The following MACROD2 variants were observed in gnomAD, a reference collection of about 807,000 sequenced individuals.
MACROD2 encodes the protein mono-ADP ribosylhydrolase 2.
Under a neutral mutation model 70.4 loss-of-function variants are expected in MACROD2, and 36 were observed. The observed-to-expected ratio is 0.51, with a 90% CI of 0.39 to 0.68. MACROD2 has a LOEUF of 0.68. Ranked by LOEUF, MACROD2 falls within the 30% of genes least tolerant of loss-of-function variation. MACROD2 has a pLI of 0.00. For missense variants in MACROD2, 496 were observed against 538.4 expected, an observed-to-expected ratio of 0.92 and a Z score of 0.78; for synonymous variants, 172 against 178.8, an observed-to-expected ratio of 0.96 and a Z score of 0.30.
chr20:14,850,952 A>AT (rs1223936452), intron 5 of MACROD2, among the ~76,000 whole-genome samples: 6 of 150,380 alleles, frequency 4.0e-5, no homozygotes, highest in African/African-American at 4.9e-5. Flanking sequence ...GCAACTTCTA[A>AT]TTTTTTTTTT....
chr20:14,469,971 C>A (rs374991563), intron 3 of MACROD2, among the ~76,000 whole-genome samples: 1 of 152,008 alleles, frequency 6.6e-6, no homozygotes, highest in African/African-American at 2.4e-5. Context: ...TGTTCCCTTG[C>A]TGGTGAGGAG....
intron 4 of MACROD2, among the ~76,000 whole-genome samples, chr20:14,644,619 G>A (rs1250039617): frequency 6.6e-6 from 1 of 152,054 alleles, no homozygotes; most frequent in Non-Finnish European, 1.5e-5. Flanking sequence ...CATTTTACTT[G>A]TTTATCGAAT....
chr20:16,035,553 T>G (rs2067223214), intron 15 of MACROD2, among the ~76,000 whole-genome samples: 1 of 152,038 alleles, frequency 6.6e-6, no homozygotes, highest in Non-Finnish European at 1.5e-5. Context: ...TAGCCACAAA[T>G]GAAGCTCAAG....
rs537990509 is a variant in MACROD2, at chr20:14,844,688, G to A, written c.418+159729G>A. Among the ~76,000 whole-genome samples the A allele has an allele frequency of 3.3e-5, 5 of 152,128 alleles. No homozygotes were observed. In the South Asian group the frequency reaches 8.3e-4, roughly 25 times the overall value. ...GGTACTTCTTTCTCTCAAAAAGAAA[G>A]GCATAAACATAGTGTCCTAGGCAAA... On this transcript the variant is annotated intron_variant, in intron 5 of 17. Coordinates refer to ENST00000684519, the MANE Select transcript of MACROD2 (RefSeq NM_001351661.2).
chr20:14,282,367 A>C (rs1342349635), intron 3 of MACROD2, among the ~76,000 whole-genome samples: 1 of 152,212 alleles, frequency 6.6e-6, no homozygotes, highest in Non-Finnish European at 1.5e-5. Context: ...AGACTGGGCT[A>C]GGAAGTTGAA....
chr20:14,000,720 T>C (rs1483139595), intron 1 of MACROD2, among the ~76,000 whole-genome samples: 3 of 152,224 alleles, frequency 2.0e-5, no homozygotes, highest in Non-Finnish European at 4.4e-5. Context: ...GAAAAACGAA[T>C]GTAAATAGAA....
chr20:14,566,948 T>C (rs1261512792), intron 4 of MACROD2: 1 of 151,998 alleles, frequency 6.6e-6, no homozygotes, highest in East Asian at 1.9e-4. Context: ...GACTCAGCGA[T>C]TCTAATTTTT....
chr20:15,943,720 G>T (rs2065782059), intron 12 of MACROD2, among the ~76,000 whole-genome samples: 1 of 151,972 alleles, frequency 6.6e-6, no homozygotes, highest in Non-Finnish European at 1.5e-5. Flanking sequence ...ATAAGAAAAT[G>T]ATTTTATTAT....
At chr20:15,275,606 T>C (rs1328654232) in intron 6 of MACROD2, among the ~76,000 whole-genome samples, 1 of 152,214 alleles carries the variant, frequency 6.6e-6, no homozygotes, top group African/African-American at 2.4e-5. Flanking sequence ...AAGCGGATCA[T>C]TTCATTCAAG....
Position 15,350,768 on chromosome 20 carries a change from G to A in MACROD2, c.541-80637G>A, listed in dbSNP as rs552281753. On this transcript the variant is annotated intron_variant, in intron 6 of 17. Coordinates refer to ENST00000684519, the MANE Select transcript of MACROD2 (RefSeq NM_001351661.2). Reference sequence around the variant, plus strand: ...GAATTTCTAAATAGTTTTCATTGAAGCAACTTAGACTTATTACTGATTCTT... The same window carrying A: ...GAATTTCTAAATAGTTTTCATTGAAACAACTTAGACTTATTACTGATTCTT... 1.7e-4 allele frequency among the ~76,000 whole-genome samples: 26 copies of A among 152,208 alleles called. No homozygotes were observed. The South Asian group carries it at 3.9e-3, about 23-fold the overall frequency.
intron 3 of MACROD2, among the ~76,000 whole-genome samples, chr20:14,349,998 C>T (rs2083106958): frequency 6.6e-6 from 1 of 151,928 alleles, no homozygotes; most frequent in Non-Finnish European, 1.5e-5. Flanking sequence ...ATCCACCCAC[C>T]TCAGCCTCCC....
intron 7 of MACROD2, among the ~76,000 whole-genome samples, chr20:15,481,434 C>A (rs2047096032): frequency 6.6e-6 from 1 of 152,132 alleles, no homozygotes; most frequent in Non-Finnish European, 1.5e-5. Context: ...TAAATGTTGT[C>A]ACATTGTGTT....
chr20:14,181,428 T>G (rs2081304451), intron 3 of MACROD2, among the ~76,000 whole-genome samples: 1 of 152,018 alleles, frequency 6.6e-6, no homozygotes. Context: ...TGGGGAACCA[T>G]CATTTTGCTA....
chr20:15,073,084 T>C (rs560358318), intron 5 of MACROD2, among the ~76,000 whole-genome samples: 2 of 152,114 alleles, frequency 1.3e-5, no homozygotes, highest in East Asian at 1.9e-4. Flanking sequence ...CACCTTGATA[T>C]TGGACTTTCC....
chr20:14,399,924 A>C (rs1026300581), intron 3 of MACROD2, among the ~76,000 whole-genome samples: 3 of 152,146 alleles, frequency 2.0e-5, no homozygotes, highest in African/African-American at 7.2e-5. Flanking sequence ...ATTTTTAAAA[A>C]TCTTTCCTGT....
chr20:15,444,923 T>C (rs938881985), intron 7 of MACROD2, among the ~76,000 whole-genome samples: 1 of 151,174 alleles, frequency 6.6e-6, no homozygotes, highest in Non-Finnish European at 1.5e-5. Flanking sequence ...ATGCTTATCA[T>C]AGTGTCATAT....
chr20:14,355,828 T>G (rs138224574), intron 3 of MACROD2, among the ~76,000 whole-genome samples: 115 of 152,352 alleles, frequency 7.5e-4, no homozygotes, highest in Middle Eastern at 6.8e-3. Context: ...AGAGATTGGC[T>G]ATTTTTCATT....
chr20:14,993,365 A>T (rs1343104572), intron 5 of MACROD2, among the ~76,000 whole-genome samples: 1 of 151,834 alleles, frequency 6.6e-6, no homozygotes, highest in Non-Finnish European at 1.5e-5. Flanking sequence ...TGCCCCTGGG[A>T]TAAAGTTTTG....
At chr20:14,487,037 G>A (rs1391995644) in intron 3 of MACROD2, among the ~76,000 whole-genome samples, 1 of 152,122 alleles carries the variant, frequency 6.6e-6, no homozygotes, top group Non-Finnish European at 1.5e-5. Flanking sequence ...CTCCCATGAG[G>A]GCATAGCAGT....
Sources: allele counts gnomAD v4.1 joint callset (sites outside exome capture counted in the v4.1 genomes callset), GRCh38; gene constraint gnomAD v4.1.1; transcripts MANE v1.5; gene names NCBI Gene and HGNC (gene_info 2026-07-23, HGNC 2026-07-21).